The following ELL2 variants were observed in gnomAD, a reference collection of about 807,000 sequenced individuals.
ELL2 encodes the protein RNA polymerase II elongation factor ELL2.
In ELL2, 21 loss-of-function variants were observed where a neutral mutation model predicts 72.8. That is an observed-to-expected ratio of 0.29 (90% CI 0.20 to 0.42). ELL2 has a LOEUF of 0.42. ELL2 is among the 10% of genes least tolerant of loss of function. The pLI is 1.00. For synonymous variants in ELL2, 266 were observed against 283.2 expected, an observed-to-expected ratio of 0.94 and a Z score of 0.61; for missense variants, 568 against 772.8, an observed-to-expected ratio of 0.73 and a Z score of 3.14.
At chr5:95,919,865 G>A (rs1379635276) in intron 2 of ELL2, among the ~76,000 whole-genome samples, 1 of 152,118 alleles carries the variant, frequency 6.6e-6, no homozygotes, top group Admixed American at 6.5e-5. Context: ...AGAGTTATTA[G>A]TGAATTTGTA....
At chr5:95,895,563 G>C (rs1748839226) in intron 9 of ELL2, 65 bp downstream of exon 9, 1 of 1,467,434 alleles carries the variant, frequency 6.8e-7, no homozygotes, top group African/African-American at 1.4e-5. Flanking sequence ...GCAAATTATG[G>C]GAAAAGAATT....
In ELL2 at chr5:95,928,842, G is replaced by A. The variant is rs181223278; in HGVS notation, c.196-9297C>T. Among the ~76,000 whole-genome samples the A allele has an allele frequency of 2.0e-5, 3 of 152,210 alleles. No individual in the cohort carries two copies. The East Asian group carries it at 5.8e-4, about 29-fold the overall frequency. ...TCTCAAGGGTCATTTATTTCTTCAT[G>A]ACTTCCTACTACTTATGAGTAGTAG... On this transcript the variant is annotated intron_variant, in intron 2 of 11. Transcript: ENST00000237853.
Position 95,895,644 on chromosome 5 carries a change from G to T in ELL2, c.1573C>A (p.Leu525Ile). Residue 525 changes from leucine to isoleucine, a missense_variant, in exon 9 of 12, where the codon CTC becomes ATC. This residue lies in a region of ELL2 where 511 missense variants were observed against 728.4 expected (regional missense o/e 0.70). Transcript: ENST00000237853. ...TASMEPSAIE[L>I]PDYLIKYIAI... ...TGAACTTACATCAAATAATCTGGGAGTTCAATTGCTGAAGGTTCCATGGAG... is the reference window on the plus strand; with the variant it reads ...TGAACTTACATCAAATAATCTGGGATTTCAATTGCTGAAGGTTCCATGGAG... The T allele has an allele frequency of 1.4e-5, 23 of 1,613,966 alleles. No individual in the cohort carries two copies. The highest frequency in any genetic ancestry group is 1.9e-5 in the Non-Finnish European group (23 of 1,179,944).
chr5:95,928,147 G>A (rs1306213389), intron 2 of ELL2, among the ~76,000 whole-genome samples: 1 of 152,084 alleles, frequency 6.6e-6, no homozygotes, highest in Non-Finnish European at 1.5e-5. Flanking sequence ...TAGAGATACT[G>A]CATCAGGGAA....
In ELL2 at chr5:95,961,690, T is replaced by G. The variant is rs1233602526; in HGVS notation, c.32A>C (p.Glu11Ala). 1.2e-6 allele frequency: 2 copies of G among 1,604,514 alleles called. No homozygotes were observed. Among genetic ancestry groups the G allele is most frequent in the Non-Finnish European group, 1.7e-6 (2 of 1,176,702 alleles). Reference sequence around the variant, plus strand: ...GCACGACAGCCCATAGCGCTGCTCCTCCCGCAGGCCCCCTGTCCCCCCCGC... The same window carrying G: ...GCACGACAGCCCATAGCGCTGCTCCGCCCGCAGGCCCCCTGTCCCCCCCGC... MAAGGTGGLR[E>A]EQRYGLSCGR... The change falls in exon 1 of 12, where the codon GAG becomes GCG. Residue 11 changes from glutamate to alanine, a missense_variant. This residue lies in a region of ELL2 where 57 missense variants were observed against 44.4 expected (regional missense o/e 1.28). Coordinates refer to ENST00000237853, the MANE Select transcript of ELL2 (RefSeq NM_012081.6).
At chr5:95,904,114 G>T (rs1037907038) in intron 5 of ELL2, among the ~76,000 whole-genome samples, 3 of 152,152 alleles carry the variant, frequency 2.0e-5, no homozygotes, top group East Asian at 3.8e-4. Context: ...CTGAGAAAAG[G>T]TTCCCTGATC....
At position 95,961,469 on chromosome 5, in the gene ELL2, T is replaced by C. The variant is rs944654737; in HGVS notation, c.147+106A>G. 7 of 1,302,916 alleles carry C rather than the reference T, an allele frequency of 5.4e-6. No homozygotes were observed. The Admixed American group carries it at 2.5e-4, about 46-fold the overall frequency. The allele number at this position is 1,302,916 out of a possible 1,614,324, so 80.7% of individuals were successfully genotyped here. On this transcript the variant is annotated intron_variant, in intron 1 of 11. Coordinates refer to ENST00000237853, the MANE Select transcript of ELL2 (RefSeq NM_012081.6). ...GCCTGGCCGCTGCGGGCGCTGACGG[T>C]AGCAGCTGCCAGCCACGGCTCCGCC... is the stretch of plus-strand genomic sequence containing the variant.
At chr5:95,949,492 T>C (rs1005360626) in intron 1 of ELL2, among the ~76,000 whole-genome samples, 1 of 152,122 alleles carries the variant, frequency 6.6e-6, no homozygotes, top group Admixed American at 6.5e-5. Flanking sequence ...ACTTTATTCT[T>C]TAAGGTTAGA....
chr5:95,945,126 C>T (rs972732103), intron 1 of ELL2, among the ~76,000 whole-genome samples: 1 of 152,150 alleles, frequency 6.6e-6, no homozygotes, highest in African/African-American at 2.4e-5. Flanking sequence ...CTTACTACTG[C>T]TGATAGGACA....
chr5:95,918,500 C>T (rs1026077832), intron 3 of ELL2, among the ~76,000 whole-genome samples: 1 of 152,146 alleles, frequency 6.6e-6, no homozygotes, highest in Non-Finnish European at 1.5e-5. Flanking sequence ...AAAGGTAAAA[C>T]TCTGTCAGTG....
At chr5:95,956,692 G>C (rs1260980714) in intron 1 of ELL2, among the ~76,000 whole-genome samples, 1 of 152,066 alleles carries the variant, frequency 6.6e-6, no homozygotes, top group South Asian at 2.1e-4. Flanking sequence ...AAGTTCACCT[G>C]GTAGAAAAAA....
At chr5:95,905,982 TG>T (rs1037949665) in intron 5 of ELL2, among the ~76,000 whole-genome samples, 5 of 152,198 alleles carry the variant, frequency 3.3e-5, no homozygotes, top group African/African-American at 1.2e-4. Flanking sequence ...TGATAAAGTA[TG>T]GGATCACTGC....
At chr5:95,904,943 C>T (rs1749297758) in intron 5 of ELL2, among the ~76,000 whole-genome samples, 1 of 152,030 alleles carries the variant, frequency 6.6e-6, no homozygotes, top group African/African-American at 2.4e-5. Context: ...AGTATATGCT[C>T]AAAAAATGGT....
intron 3 of ELL2, among the ~76,000 whole-genome samples, chr5:95,915,966 T>C (rs531246056): frequency 1.3e-5 from 2 of 151,824 alleles, no homozygotes; most frequent in African/African-American, 4.8e-5. Flanking sequence ...TCATTTGTAT[T>C]GCAGAAAGCT....
At chr5:95,899,532 A>C (rs899365865) in intron 7 of ELL2, among the ~76,000 whole-genome samples, 1 of 152,168 alleles carries the variant, frequency 6.6e-6, no homozygotes, top group Non-Finnish European at 1.5e-5. Context: ...AATTAGGTGG[A>C]AGTACTTTAA....
intron 1 of ELL2, among the ~76,000 whole-genome samples, chr5:95,948,981 G>T (rs1009216418): frequency 1.1e-4 from 17 of 152,284 alleles, no homozygotes; most frequent in Admixed American, 5.9e-4. Flanking sequence ...CTTATGAAAT[G>T]TTGGGCATTC....
chr5:95,932,407 C>T (rs1313386589), intron 2 of ELL2, among the ~76,000 whole-genome samples: 1 of 152,120 alleles, frequency 6.6e-6, no homozygotes, highest in East Asian at 1.9e-4. Flanking sequence ...AAATCTATGC[C>T]TTCACATAGA....
intron 7 of ELL2, 119 bp downstream of exon 7, chr5:95,900,574 T>C: frequency 1.4e-6 from 1 of 716,456 alleles, no homozygotes; most frequent in Non-Finnish European, 2.2e-6. Flanking sequence ...CCAGATGGCT[T>C]TGGGCAGGCA....
chr5:95,942,266 G>T (rs1423198540), intron 2 of ELL2, among the ~76,000 whole-genome samples: 1 of 151,828 alleles, frequency 6.6e-6, no homozygotes, highest in Non-Finnish European at 1.5e-5. Context: ...ATCCATTTAC[G>T]GATATTACAA....
Sources: allele counts gnomAD v4.1 joint callset (sites outside exome capture counted in the v4.1 genomes callset), GRCh38; gene constraint gnomAD v4.1.1; regional missense constraint gnomAD v4.1.1; transcripts MANE v1.5; gene names NCBI Gene and HGNC (gene_info 2026-07-23, HGNC 2026-07-21).